Variants in TTC29 observed in about 807,000 individuals in gnomAD.
TTC29 encodes tetratricopeptide repeat domain 29, also known as tetratricopeptide repeat protein 29.
Under a neutral mutation model 58.1 loss-of-function variants are expected in TTC29, and 49 were observed. That is an observed-to-expected ratio of 0.84 (90% CI 0.67 to 1.07). The LOEUF is 1.07. Ranked by LOEUF, TTC29 falls within the 50% of genes least tolerant of loss-of-function variation. The pLI, the probability that TTC29 is intolerant of heterozygous loss-of-function variation, is 0.00. For missense variants in TTC29, 582 were observed against 555.6 expected, an observed-to-expected ratio of 1.05 and a Z score of -0.48; for synonymous variants, 209 against 196.8, an observed-to-expected ratio of 1.06 and a Z score of -0.52.
At chr4:146,784,117 T>C (rs1341458271) in intron 11 of TTC29, among the ~76,000 whole-genome samples, 2 of 151,194 alleles carry the variant, frequency 1.3e-5, no homozygotes, top group African/African-American at 2.4e-5. Context: ...GTTTATAAAA[T>C]ATATACCATA....
chr4:146,910,495 T>C (rs1733826206), intron 4 of TTC29, among the ~76,000 whole-genome samples: 1 of 151,480 alleles, frequency 6.6e-6, no homozygotes, highest in Non-Finnish European at 1.5e-5. Context: ...AACAAACAAA[T>C]GAGGAGTGGC....
At chr4:146,849,421 C>A (rs1253661340) in intron 8 of TTC29, among the ~76,000 whole-genome samples, 1 of 152,050 alleles carries the variant, frequency 6.6e-6, no homozygotes, top group Non-Finnish European at 1.5e-5. Flanking sequence ...CTGACCTTGA[C>A]CTTCACCTAC....
intron 11 of TTC29, among the ~76,000 whole-genome samples, chr4:146,715,580 A>G (rs1742866792): frequency 6.6e-6 from 1 of 152,100 alleles, no homozygotes; most frequent in Admixed American, 6.5e-5. Context: ...TTGGAAGTAG[A>G]GAATAGGATA....
chr4:146,855,045 G>A (rs1311148513), intron 8 of TTC29, among the ~76,000 whole-genome samples: 1 of 152,110 alleles, frequency 6.6e-6, no homozygotes. Context: ...TGTAATCCCA[G>A]CAGCACTTTG....
intron 6 of TTC29, among the ~76,000 whole-genome samples, chr4:146,888,299 A>G (rs1732125817): frequency 6.6e-6 from 1 of 152,166 alleles, no homozygotes; most frequent in Non-Finnish European, 1.5e-5. Context: ...AAATGTCAGG[A>G]GTTAAAGGGA....
At chr4:146,835,976 G>A (rs1440433782) in intron 8 of TTC29, among the ~76,000 whole-genome samples, 1 of 152,106 alleles carries the variant, frequency 6.6e-6, no homozygotes, top group African/African-American at 2.4e-5. Flanking sequence ...CTTCCCATTG[G>A]AGACAGATGC....
chr4:146,818,308 A>C (rs1174500376), intron 10 of TTC29, among the ~76,000 whole-genome samples: 2 of 152,382 alleles, frequency 1.3e-5, no homozygotes, highest in African/African-American at 2.4e-5. Flanking sequence ...GAAGACATTT[A>C]TGCAGCCAAA....
At chr4:146,786,729 A>G (rs1374943264) in intron 11 of TTC29, among the ~76,000 whole-genome samples, 3 of 152,244 alleles carry the variant, frequency 2.0e-5, no homozygotes, top group African/African-American at 7.2e-5. Context: ...CTAAGAATGC[A>G]AAGAAGTGAC....
chr4:146,904,158 T>C (rs1289958500), intron 5 of TTC29, among the ~76,000 whole-genome samples: 1 of 152,104 alleles, frequency 6.6e-6, no homozygotes, highest in Non-Finnish European at 1.5e-5. Context: ...CAAAAGATAA[T>C]GTAAATGAAG....
intron 11 of TTC29, among the ~76,000 whole-genome samples, chr4:146,708,892 G>A (rs1424501158): frequency 6.6e-6 from 1 of 151,930 alleles, no homozygotes; most frequent in Non-Finnish European, 1.5e-5. Flanking sequence ...ACCCATTTTT[G>A]TTATTGATTT....
chr4:146,924,679 A>T (rs1734808025), intron 4 of TTC29, among the ~76,000 whole-genome samples: 1 of 149,430 alleles, frequency 6.7e-6, no homozygotes, highest in African/African-American at 2.5e-5. Context: ...TTTTTCAAAG[A>T]ACCAGCATTA....
intron 11 of TTC29, among the ~76,000 whole-genome samples, chr4:146,757,371 A>C (rs954084766): frequency 6.6e-6 from 1 of 152,090 alleles, no homozygotes; most frequent in African/African-American, 2.4e-5. Flanking sequence ...GTCTGCACAG[A>C]GTACTGTGAT....
intron 11 of TTC29, among the ~76,000 whole-genome samples, chr4:146,708,294 C>A (rs1742136325): frequency 8.4e-6 from 1 of 118,726 alleles, no homozygotes. Context: ...ATAATGAAGT[C>A]AAATATGGGA....
At chr4:146,927,522 A>C (rs1735021516) in intron 4 of TTC29, among the ~76,000 whole-genome samples, 1 of 152,134 alleles carries the variant, frequency 6.6e-6, no homozygotes, top group Non-Finnish European at 1.5e-5. Flanking sequence ...GGTCAAAATC[A>C]CTACCCACTA....
intron 9 of TTC29, among the ~76,000 whole-genome samples, chr4:146,831,215 A>G (rs1229632415): frequency 1.3e-5 from 2 of 152,172 alleles, no homozygotes; most frequent in Non-Finnish European, 2.9e-5. Context: ...CATGTCTACC[A>G]TGAAATCACT....
intron 4 of TTC29, among the ~76,000 whole-genome samples, chr4:146,922,522 C>G (rs763078087): frequency 6.6e-6 from 1 of 151,766 alleles, no homozygotes; most frequent in African/African-American, 2.4e-5. Flanking sequence ...TTACTATATG[C>G]TTAATGATGT....
intron 11 of TTC29, among the ~76,000 whole-genome samples, chr4:146,709,598 C>A (rs562085362): frequency 6.6e-6 from 1 of 152,214 alleles, no homozygotes; most frequent in South Asian, 2.1e-4. Context: ...GGAGAAAATA[C>A]AACTGGCCTG....
Position 146,777,454 on chromosome 4 carries a change from A to G in TTC29, c.1330+26003T>C, listed in dbSNP as rs955967604. On this transcript the variant is annotated intron_variant, in intron 11 of 12. Coordinates refer to ENST00000325106, the MANE Select transcript of TTC29 (RefSeq NM_031956.4). ...TTATTTGTGTGTTCTGGACACATTTATTAGACAAAAATGTCTATGTTCTAA... is the reference window on the plus strand; with the variant it reads ...TTATTTGTGTGTTCTGGACACATTTGTTAGACAAAAATGTCTATGTTCTAA... Among the ~76,000 whole-genome samples the G allele has an allele frequency of 7.2e-5, 11 of 152,074 alleles. No individual in the cohort carries two copies. The South Asian group carries it at 2.1e-3, about 29-fold the overall frequency.
chr4:146,944,341 T>G (rs1736719943), intron 2 of TTC29: 1 of 152,282 alleles, frequency 6.6e-6, no homozygotes, highest in Non-Finnish European at 1.5e-5. Flanking sequence ...TCTCTAAGTT[T>G]GGCCCCCACA....
Sources: allele counts gnomAD v4.1 joint callset (sites outside exome capture counted in the v4.1 genomes callset), GRCh38; gene constraint gnomAD v4.1.1; transcripts MANE v1.5; gene names NCBI Gene and HGNC (gene_info 2026-07-23, HGNC 2026-07-21).